FHIT: variants seen among roughly 807,000 people sequenced by gnomAD.
FHIT encodes the protein bis(5'-adenosyl)-triphosphatase.
In FHIT, 19 loss-of-function variants were observed where a neutral mutation model predicts 17.9. That is an observed-to-expected ratio of 1.06 (90% confidence interval 0.74 to 1.56). The LOEUF (loss-of-function observed/expected upper bound fraction) is 1.56. Among genes scored for constraint, FHIT ranks in the 40% most tolerant of loss-of-function variants. The probability of loss-of-function intolerance (pLI) is 0.00; values close to 1 mark genes in which losing one functional copy is unlikely to be tolerated. For missense variants in FHIT, 248 were observed against 189.2 expected, an observed-to-expected ratio of 1.31 and a Z score of -1.82; for synonymous variants, 81 against 69.7, an observed-to-expected ratio of 1.16 and a Z score of -0.81.
At chr3:59,874,361 C>T (rs1424684833) in intron 8 of FHIT, among the ~76,000 whole-genome samples, 7 of 152,294 alleles carry the variant, frequency 4.6e-5, no homozygotes, top group South Asian at 2.1e-4. Context: ...TCCATAATTT[C>T]GACTAGCATG....
intron 5 of FHIT, among the ~76,000 whole-genome samples, chr3:60,087,395 C>T (rs1703541829): frequency 1.3e-5 from 2 of 152,214 alleles, no homozygotes; most frequent in South Asian, 4.1e-4. Context: ...CTGGACTGGG[C>T]AATAGCATTG....
At chr3:60,204,311 C>T (rs1391060733) in intron 5 of FHIT, among the ~76,000 whole-genome samples, 1 of 152,034 alleles carries the variant, frequency 6.6e-6, no homozygotes, top group African/African-American at 2.4e-5. Flanking sequence ...AGTCTGTCAC[C>T]CAGGCTGGAG....
intron 8 of FHIT, among the ~76,000 whole-genome samples, chr3:59,818,698 T>G (rs1388637303): frequency 6.6e-6 from 1 of 152,206 alleles, no homozygotes; most frequent in East Asian, 1.9e-4. Context: ...TTACTGGATG[T>G]CTCAGAAGAC....
intron 5 of FHIT, among the ~76,000 whole-genome samples, chr3:60,401,849 T>G (rs1481313492): frequency 6.6e-6 from 1 of 152,180 alleles, no homozygotes; most frequent in Non-Finnish European, 1.5e-5. Flanking sequence ...AAGCATAATC[T>G]TGCAGATTGG....
chr3:60,077,261 T>C (rs1703052426), intron 5 of FHIT: 1 of 152,014 alleles, frequency 6.6e-6, no homozygotes, highest in Non-Finnish European at 1.5e-5. Context: ...TGGAAATATA[T>C]ATATAGTATG....
intron 8 of FHIT, among the ~76,000 whole-genome samples, chr3:59,806,649 CATATATATGTATACATATATATGTGT>C (rs1286653600): frequency 4.4e-5 from 2 of 45,744 alleles, no homozygotes; most frequent in East Asian, 8.6e-4. Context: ...TATATATATA[CATATATATGTATACATATATATGTGT>C]ATATATATGT....
intron 4 of FHIT, among the ~76,000 whole-genome samples, chr3:60,649,799 A>G (rs1467477985): frequency 2.7e-5 from 4 of 149,878 alleles, no homozygotes; most frequent in Non-Finnish European, 4.4e-5. Flanking sequence ...TATAATCTGG[A>G]AAAAAAAACC....
intron 5 of FHIT, among the ~76,000 whole-genome samples, chr3:60,466,691 C>A (rs576675579): frequency 6.6e-6 from 1 of 152,020 alleles, no homozygotes; most frequent in South Asian, 2.1e-4. Flanking sequence ...ATATGTTGAA[C>A]CATCCTTGCG....
intron 5 of FHIT, among the ~76,000 whole-genome samples, chr3:60,218,189 C>G (rs1219058473): frequency 6.6e-6 from 1 of 151,952 alleles, no homozygotes; most frequent in Non-Finnish European, 1.5e-5. Context: ...ATTCTGAGAT[C>G]GAAAAGTTTA....
chr3:59,881,230 T>C (rs1310316792), intron 8 of FHIT, among the ~76,000 whole-genome samples: 1 of 152,184 alleles, frequency 6.6e-6, no homozygotes, highest in Non-Finnish European at 1.5e-5. Context: ...TATAGATACC[T>C]GCTTCTAGAG....
intron 4 of FHIT, among the ~76,000 whole-genome samples, chr3:60,697,399 A>G (rs1290989446): frequency 6.6e-6 from 1 of 152,160 alleles, no homozygotes; most frequent in Non-Finnish European, 1.5e-5. Flanking sequence ...TAAACTGTTC[A>G]TACATGTCAT....
chr3:60,027,108 GACACACACACACACAC>G (rs754046097), intron 5 of FHIT, among the ~76,000 whole-genome samples: 4 of 88,050 alleles, frequency 4.5e-5, no homozygotes, highest in Admixed American at 2.4e-4. Flanking sequence ...TTCACACACA[GACACACACACACACAC>G]ACACACACAC....
intron 3 of FHIT, among the ~76,000 whole-genome samples, chr3:60,837,925 T>C (rs1386966736): frequency 6.6e-6 from 1 of 152,174 alleles, no homozygotes; most frequent in Non-Finnish European, 1.5e-5. Flanking sequence ...ATAATATAAT[T>C]ATTTTAAATA....
intron 3 of FHIT, among the ~76,000 whole-genome samples, chr3:60,853,767 CA>C (rs1178567805): frequency 6.6e-6 from 1 of 152,044 alleles, no homozygotes; most frequent in Non-Finnish European, 1.5e-5. Context: ...CTGAAAGAAA[CA>C]TAAGTACTCT....
rs11921348 is a variant in FHIT, at chr3:60,323,772, G to T, written c.103+213088C>A. 5.0e-3 allele frequency among the ~76,000 whole-genome samples: 762 copies of T among 152,312 alleles called. 6 individuals are homozygous for T. Among genetic ancestry groups the T allele is most frequent in the African/African-American group, 0.017 (702 of 41,570 alleles). On this transcript the variant is annotated intron_variant, in intron 5 of 9. Coordinates refer to ENST00000492590, the MANE Select transcript of FHIT (RefSeq NM_002012.4). ...CAGTATCACTTGCCACAGATAGACAGCTAACCCTGTTAACCTTGAAACAAA... is the reference window on the plus strand; with the variant it reads ...CAGTATCACTTGCCACAGATAGACATCTAACCCTGTTAACCTTGAAACAAA...
chr3:61,197,963 A>G (rs1256267204), intron 2 of FHIT, among the ~76,000 whole-genome samples: 4 of 152,012 alleles, frequency 2.6e-5, no homozygotes, highest in Non-Finnish European at 5.9e-5. Context: ...CAGCAAAATA[A>G]CCCATTTTTG....
chr3:60,057,344 C>T (rs1216146373), intron 5 of FHIT, among the ~76,000 whole-genome samples: 1 of 152,156 alleles, frequency 6.6e-6, no homozygotes, highest in Non-Finnish European at 1.5e-5. Flanking sequence ...TGGTCTGTTG[C>T]TTCAGAGCTT....
chr3:61,246,749 A>C (rs2040495882), intron 1 of FHIT, among the ~76,000 whole-genome samples: 1 of 152,132 alleles, frequency 6.6e-6, no homozygotes. Flanking sequence ...TAATGCATGC[A>C]GGGCTTAAAA....
At chr3:61,186,301 TC>T (rs2038506762) in intron 2 of FHIT, among the ~76,000 whole-genome samples, 1 of 152,154 alleles carries the variant, frequency 6.6e-6, no homozygotes, top group Non-Finnish European at 1.5e-5. Flanking sequence ...TCTCTCCCAG[TC>T]CTGCCAAGCA....
Sources: allele counts gnomAD v4.1 joint callset (sites outside exome capture counted in the v4.1 genomes callset), GRCh38; gene constraint gnomAD v4.1.1; transcripts MANE v1.5; gene names NCBI Gene and HGNC (gene_info 2026-07-23, HGNC 2026-07-21).